GRIN2B: variants seen among roughly 807,000 people sequenced by gnomAD.
The protein encoded by GRIN2B is glutamate ionotropic receptor NMDA type subunit 2B, also known as glutamate receptor ionotropic, NMDA 2B.
Under a neutral mutation model 114.5 loss-of-function variants are expected in GRIN2B, and 5 were observed. That is an observed-to-expected ratio of 0.04 (90% CI 0.02 to 0.09). The LOEUF (loss-of-function observed/expected upper bound fraction) is 0.09, where lower values mean the gene tolerates loss of function less well. GRIN2B is among the 10% of genes least tolerant of loss of function. GRIN2B has a pLI of 1.00. For synonymous variants in GRIN2B, 787 were observed against 745.1 expected (o/e 1.06, Z -0.92); for missense variants, 1,108 against 1,943.5 (o/e 0.57, Z 8.08).
rs143994641 is a variant in GRIN2B at position 13,578,822 on chromosome 12, C to T, written c.2011-6858G>A. ...TTTAGACTGGCTGTCCTGAAAAGGC[C>T]TCTCTGAGAAGGTGGCATCTGAACC... On this transcript the variant is annotated intron_variant, in intron 10 of 13. Coordinates refer to ENST00000609686, the MANE Select transcript of GRIN2B (RefSeq NM_000834.5). Among the ~76,000 whole-genome samples, 226 of 152,148 alleles carry T rather than the reference C, an allele frequency of 1.5e-3. 1 individual carries two copies. The highest frequency in any genetic ancestry group is 5.1e-3 in the African/African-American group (212 of 41,510).
chr12:13,729,472 G>T (rs1863045388), intron 4 of GRIN2B, among the ~76,000 whole-genome samples: 1 of 152,132 alleles, frequency 6.6e-6, no homozygotes. Context: ...GCTGGGTGTA[G>T]CCTGTTCATG....
At chr12:13,893,816 T>C (rs926064776) in intron 2 of GRIN2B, among the ~76,000 whole-genome samples, 9 of 149,146 alleles carry the variant, frequency 6.0e-5, no homozygotes, top group Non-Finnish European at 1.3e-4. Flanking sequence ...GAACTTAAAG[T>C]GACTTTTTTT....
intron 3 of GRIN2B, among the ~76,000 whole-genome samples, chr12:13,784,546 T>G (rs1399276515): frequency 6.6e-6 from 1 of 152,098 alleles, no homozygotes; most frequent in Non-Finnish European, 1.5e-5. Flanking sequence ...CATTGAGAGC[T>G]ATAGTCAATT....
chr12:13,936,286 A>T (rs1867129676), intron 2 of GRIN2B, among the ~76,000 whole-genome samples: 1 of 152,216 alleles, frequency 6.6e-6, no homozygotes, highest in Non-Finnish European at 1.5e-5. Context: ...GTCCTGCCAG[A>T]GTAGAACAGC....
At chr12:13,579,768 G>A (rs185026580) in intron 10 of GRIN2B, among the ~76,000 whole-genome samples, 8 of 151,874 alleles carry the variant, frequency 5.3e-5, no homozygotes, top group South Asian at 2.1e-4. Context: ...TGCTACAGTC[G>A]GATAAGAAGG....
upstream of GRIN2B, chr12:13,981,917 T>C (rs10400446): frequency 4.0e-3 from 618 of 153,024 alleles, 4 homozygotes; most frequent in African/African-American, 0.015. Context: ...ACCCCCTACC[T>C]CGCACACCCT....
intron 5 of GRIN2B, among the ~76,000 whole-genome samples, chr12:13,633,938 G>A (rs977991801): frequency 6.6e-6 from 1 of 150,990 alleles, no homozygotes; most frequent in East Asian, 2.0e-4. Context: ...CCGGAATGAT[G>A]GAAGAGCTGG....
chr12:13,939,052 G>C (rs1039330111), intron 2 of GRIN2B, among the ~76,000 whole-genome samples: 47 of 152,086 alleles, frequency 3.1e-4, no homozygotes, highest in African/African-American at 8.9e-4. Context: ...GACTTTAACT[G>C]TTCCCTACTC....
At chr12:13,816,033 A>G (rs1056079590) in intron 3 of GRIN2B, among the ~76,000 whole-genome samples, 3 of 152,198 alleles carry the variant, frequency 2.0e-5, no homozygotes, top group African/African-American at 7.2e-5. Context: ...AGCAAGAGAT[A>G]TACTTGAGAG....
intron 10 of GRIN2B, among the ~76,000 whole-genome samples, chr12:13,582,722 C>T (rs1467974533): frequency 6.7e-6 from 1 of 150,268 alleles, no homozygotes; most frequent in Non-Finnish European, 1.5e-5. Context: ...AGCTGGGGTT[C>T]TATAATAGGT....
At chr12:13,715,701 C>T (rs936551334) in intron 4 of GRIN2B, among the ~76,000 whole-genome samples, 2 of 151,914 alleles carry the variant, frequency 1.3e-5, no homozygotes, top group African/African-American at 4.8e-5. Context: ...CTCAGAGAAC[C>T]TAAACTCTGA....
rs1240474694 is a variant in GRIN2B, at chr12:13,567,148, C to T, written c.2475G>A (p.Leu825=). 6.2e-7 allele frequency: 1 copy of T among 1,614,020 alleles called. No individual in the cohort carries two copies. The highest frequency in any genetic ancestry group is 2.2e-5 in the East Asian group (1 of 44,898). Residue 825 remains leucine (L), a synonymous_variant, in exon 13 of 14, where the codon TTG becomes TTA. Transcript: ENST00000609686. The part of the protein sequence containing the change: ...IDNMAGVFYM[L]GAAMALSLIT... ...TGAGGCTGAGAGCCATGGCCGCCCC[C>T]AACATGTAGAAGACCCCTGCCATGT...
intron 4 of GRIN2B, among the ~76,000 whole-genome samples, chr12:13,712,319 T>C (rs1311000764): frequency 6.6e-6 from 1 of 152,026 alleles, no homozygotes; most frequent in Non-Finnish European, 1.5e-5. Context: ...ACATGGCACA[T>C]GTATACATAT....
At chr12:13,938,036 A>G (rs1867159411) in intron 2 of GRIN2B, among the ~76,000 whole-genome samples, 1 of 152,128 alleles carries the variant, frequency 6.6e-6, no homozygotes, top group African/African-American at 2.4e-5. Context: ...TTTTAGCCCT[A>G]GAGCAACCAC....
At chr12:13,700,325 G>A (rs1055306684) in intron 4 of GRIN2B, among the ~76,000 whole-genome samples, 2 of 152,048 alleles carry the variant, frequency 1.3e-5, no homozygotes, top group African/African-American at 2.4e-5. Flanking sequence ...AGAACATAAC[G>A]AAAAACCAAC....
At chr12:13,778,720 A>G (rs1420825985) in intron 3 of GRIN2B, among the ~76,000 whole-genome samples, 1 of 152,102 alleles carries the variant, frequency 6.6e-6, no homozygotes, top group Non-Finnish European at 1.5e-5. Context: ...ATCTTTTTCC[A>G]TCTCTCCCCA....
intron 2 of GRIN2B, among the ~76,000 whole-genome samples, chr12:13,889,227 G>C (rs1866216707): frequency 6.6e-6 from 1 of 152,108 alleles, no homozygotes; most frequent in African/African-American, 2.4e-5. Context: ...GAATTTCTTA[G>C]CTCCATTATC....
intron 5 of GRIN2B, among the ~76,000 whole-genome samples, chr12:13,627,750 G>A (rs1481376053): frequency 2.6e-5 from 4 of 152,216 alleles, no homozygotes; most frequent in Non-Finnish European, 5.9e-5. Flanking sequence ...AGGCCTTGTG[G>A]GGGTGCTTGG....
At chr12:13,927,605 T>G (rs954311610) in intron 2 of GRIN2B, among the ~76,000 whole-genome samples, 1 of 151,254 alleles carries the variant, frequency 6.6e-6, no homozygotes, top group Non-Finnish European at 1.5e-5. Context: ...TATATGGAAC[T>G]AACGATGTCC....
Sources: gnomAD v4.1 joint callset for allele counts (sites outside exome capture counted in the v4.1 genomes callset) on GRCh38, gnomAD v4.1.1 for gene constraint, MANE v1.5 for transcripts, NCBI Gene and HGNC (gene_info 2026-07-23, HGNC 2026-07-21) for gene names.